ZNF43: variants seen among roughly 807,000 people sequenced by gnomAD.
The protein encoded by ZNF43 is zinc finger protein 39-like 1 (KOX 27).
ZNF43 carries 44 observed loss-of-function variants against 68.4 expected under a neutral mutation model. That is an observed-to-expected ratio of 0.64 (90% CI 0.51 to 0.83). The LOEUF is 0.83. ZNF43 is among the 40% of genes least tolerant of loss of function. The probability of loss-of-function intolerance (pLI) is 0.00; values close to 1 mark genes in which losing one functional copy is unlikely to be tolerated. For missense variants in ZNF43, 896 were observed against 933.2 expected, an observed-to-expected ratio of 0.96 and a Z score of 0.52; for synonymous variants, 308 against 307.8, an observed-to-expected ratio of 1.00 and a Z score of -0.01.
intron 1 of ZNF43, among the ~76,000 whole-genome samples, chr19:21,848,491 C>T (rs770207770): frequency 6.6e-6 from 1 of 152,118 alleles, no homozygotes; most frequent in African/African-American, 2.4e-5. Context: ...TAATATGGCA[C>T]AACATGTAGG....
chr19:21,821,138 ATTTTTTTTTTT>A (rs74174043), intron 1 of ZNF43, among the ~76,000 whole-genome samples: 4 of 118,560 alleles, frequency 3.4e-5, no homozygotes, highest in Non-Finnish European at 3.4e-5. Context: ...CCCGGCTGTA[ATTTTTTTTTTT>A]TTTTTTTTTT....
intron 1 of ZNF43, among the ~76,000 whole-genome samples, chr19:21,828,681 T>A (rs2038258972): frequency 6.6e-6 from 1 of 150,448 alleles, no homozygotes; most frequent in African/African-American, 2.4e-5. Flanking sequence ...CATGCCATTG[T>A]ACTCCAGCCT....
In ZNF43 at chr19:21,808,162, T is replaced by C. The variant is rs965658357; in HGVS notation, c.1875A>G (p.Glu625=). The C allele has an allele frequency of 1.4e-5, 22 of 1,613,256 alleles. No homozygotes were observed. Among genetic ancestry groups the C allele is most frequent in the Non-Finnish European group, 1.8e-5 (21 of 1,179,780 alleles). The change falls in exon 4 of 4, where the codon GAA becomes GAG. Residue 625 remains glutamate, a synonymous_variant. Transcript: ENST00000354959. ...IHTGGKPYKC[E]ECGKAFNQFS... is the part of the protein sequence containing the mutation. ...ACTGGTTAAAAGCTTTGCCACATTC[T>C]TCACATTTGTAGGGTTTTCCTCCAG...
chr19:21,824,693 T>C (rs879177691), intron 1 of ZNF43, among the ~76,000 whole-genome samples: 1 of 124,112 alleles, frequency 8.1e-6, no homozygotes, highest in Non-Finnish European at 1.6e-5. Flanking sequence ...GATCCCCTCA[T>C]AGAGGCTGCT....
rs183396179 is a variant in ZNF43 at position 21,812,689 on chromosome 19, A to G, written c.230-2882T>C. Among the ~76,000 whole-genome samples, 21 of 152,270 alleles carry G rather than the reference A, an allele frequency of 1.4e-4. No individual in the cohort carries two copies. In the East Asian group the frequency reaches 2.9e-3, roughly 21 times the overall value. ...CATCCAGGTAGGTACAGTGGCTCACATCTTTAAACCCAGTGCTTTGGGAGG... is the reference window on the plus strand; with the variant it reads ...CATCCAGGTAGGTACAGTGGCTCACGTCTTTAAACCCAGTGCTTTGGGAGG... On this transcript the variant is annotated intron_variant, in intron 3 of 3. Transcript: ENST00000354959.
rs138058717 is a variant in ZNF43 at position 21,834,480 on chromosome 19, C to T, written c.3+1556G>A. Among the ~76,000 whole-genome samples the T allele has an allele frequency of 3.7e-3, 557 of 151,744 alleles. 4 individuals carry two copies. Among genetic ancestry groups the T allele is most frequent in the African/African-American group, 0.013 (529 of 41,364 alleles). On this transcript the variant is annotated intron_variant, in intron 1 of 3. Coordinates refer to ENST00000354959, the MANE Select transcript of ZNF43 (RefSeq NM_003423.4). ...TTCAAATAGAAAACAAAATTTAGGC[C>T]GGACTCGGTGGCTCACGCCTGTAAT...
chr19:21,839,048 C>G (rs1234411359), upstream of ZNF43: 1 of 151,986 alleles, frequency 6.6e-6, no homozygotes, highest in Non-Finnish European at 1.5e-5. Flanking sequence ...GAGCTTCCCA[C>G]CCCCTAGATG....
chr19:21,812,129 T>C (rs1458946073), intron 3 of ZNF43: 12 of 388,966 alleles, frequency 3.1e-5, no homozygotes, highest in Non-Finnish European at 5.5e-5. Flanking sequence ...AAACAACTTT[T>C]TTTTTCTTTT....
intron 3 of ZNF43, among the ~76,000 whole-genome samples, chr19:21,817,428 A>C (rs1269071169): frequency 6.6e-6 from 1 of 152,232 alleles, no homozygotes; most frequent in East Asian, 1.9e-4. Context: ...ATATTATTTA[A>C]AGGCTACAGT....
chr19:21,846,975 G>C (rs1967994962), intron 1 of ZNF43, among the ~76,000 whole-genome samples: 5 of 152,186 alleles, frequency 3.3e-5, no homozygotes. Flanking sequence ...CCTAAAACCA[G>C]GGAAAAATCC....
intron 3 of ZNF43, among the ~76,000 whole-genome samples, chr19:21,817,470 T>C (rs560022638): frequency 6.6e-6 from 1 of 152,282 alleles, no homozygotes; most frequent in South Asian, 2.1e-4. Context: ...GCAGAAAATA[T>C]ACAAAGAAAT....
At chr19:21,829,006 C>A (rs890128846) in intron 1 of ZNF43, among the ~76,000 whole-genome samples, 6 of 123,978 alleles carry the variant, frequency 4.8e-5, no homozygotes, top group Non-Finnish European at 6.3e-5. Context: ...GCACTCCAGC[C>A]TGGGCGAAAG....
rs1442316353 is a variant in ZNF43 at position 21,808,883 on chromosome 19, A to C, written c.1154T>G (p.Leu385Arg). The C allele has an allele frequency of 6.2e-7, 1 of 1,613,732 alleles. No homozygotes were observed. Among genetic ancestry groups the C allele is most frequent in the East Asian group, 2.2e-5 (1 of 44,854 alleles). Residue 385 changes from leucine to arginine, a missense_variant, in exon 4 of 4, where the codon CTT becomes CGT. By Grantham distance (102) the Leu-to-Arg change is moderately radical. Transcript: ENST00000354959. The part of the protein sequence containing the change: ...CGEAFSRSSN[L>R]TKHKKIHTEK... The stretch of plus-strand genomic sequence containing the variant: ...AGTATGAATTTTCTTATGTTTAGTA[A>C]GGTTTGAGGACCGGCTAAAAGCTTC...
At chr19:21,829,509 A>G (rs2038320577) in intron 1 of ZNF43, among the ~76,000 whole-genome samples, 3 of 152,234 alleles carry the variant, frequency 2.0e-5, no homozygotes, top group Non-Finnish European at 4.4e-5. Context: ...AAGACTAAAA[A>G]AAAAATTAAA....
chr19:21,849,317 C>T (rs1275279153), intron 1 of ZNF43, among the ~76,000 whole-genome samples: 4 of 150,292 alleles, frequency 2.7e-5, no homozygotes, highest in Admixed American at 6.6e-5. Flanking sequence ...TGAGAAACCC[C>T]GTCTCTACTC....
chr19:21,821,258 G>C (rs1182813717), intron 1 of ZNF43, among the ~76,000 whole-genome samples: 1 of 149,596 alleles, frequency 6.7e-6, no homozygotes, highest in East Asian at 2.0e-4. Context: ...TCATTCTCCC[G>C]CCTCAGCCTC....
chr19:21,808,172 T>C lies in ZNF43; in HGVS notation c.1865A>G (p.Tyr622Cys), dbSNP rs1568339087. 1 of 1,613,248 alleles carries C rather than the reference T, an allele frequency of 6.2e-7. No homozygotes were observed. The highest frequency in any genetic ancestry group is 8.5e-7 in the Non-Finnish European group (1 of 1,179,762). Reference sequence around the variant, plus strand: ...AGCTTTGCCACATTCTTCACATTTGTAGGGTTTTCCTCCAGTATGAATTTT... The same window carrying C: ...AGCTTTGCCACATTCTTCACATTTGCAGGGTTTTCCTCCAGTATGAATTTT... Reference protein sequence around the residue: ...HKKIHTGGKPYKCEECGKAFN... With the variant: ...HKKIHTGGKPCKCEECGKAFN... Residue 622 changes from tyrosine (Y) to cysteine (C), a missense_variant, in exon 4 of 4, where the codon TAC becomes TGC. Tyr to Cys is a radical substitution (Grantham distance 194). Coordinates refer to ENST00000354959, the MANE Select transcript of ZNF43 (RefSeq NM_003423.4).
intron 1 of ZNF43, among the ~76,000 whole-genome samples, chr19:21,830,829 T>C (rs2038391573): frequency 6.6e-6 from 1 of 152,016 alleles, no homozygotes; most frequent in Admixed American, 6.6e-5. Flanking sequence ...ATGATCTTAA[T>C]AAAAAATGAT....
In ZNF43 at chr19:21,809,671, A is replaced by T; in HGVS notation, c.366T>A (p.Asp122Glu). 1 of 1,613,574 alleles carries T rather than the reference A, an allele frequency of 6.2e-7. No individual in the cohort carries two copies. Among genetic ancestry groups the T allele is most frequent in the Non-Finnish European group, 8.5e-7 (1 of 1,179,832 alleles). ...AACCTCCTCTGTGCACCTTACACTC[A>T]TCCACACTTTTATGGTCTTTTTTTA... is the stretch of plus-strand genomic sequence containing the variant. The part of the protein sequence containing the change: ...VHLKKDHKSV[D>E]ECKVHRGGYN... Residue 122 changes from aspartate to glutamate, a missense_variant, in exon 4 of 4, where the codon GAT becomes GAA. Physicochemically the swap from Asp to Glu is conservative, Grantham distance 45. Transcript: ENST00000354959.
Sources: allele counts gnomAD v4.1 joint callset (sites outside exome capture counted in the v4.1 genomes callset), GRCh38; gene constraint gnomAD v4.1.1; transcripts MANE v1.5; gene names NCBI Gene and HGNC (gene_info 2026-07-23, HGNC 2026-07-21).